Variants in GSE1 observed in about 807,000 individuals in gnomAD.
The protein encoded by GSE1 is genetic suppressor element 1.
GSE1 carries 32 observed loss-of-function variants against 112.6 expected under a neutral mutation model. That is an observed-to-expected ratio of 0.28 (90% CI 0.21 to 0.38). The LOEUF is 0.38. Ranked by LOEUF, GSE1 falls within the 10% of genes least tolerant of loss-of-function variation. The pLI is 1.00. For synonymous variants in GSE1, 1,115 were observed against 735.6 expected, an observed-to-expected ratio of 1.52 and a Z score of -8.35; for missense variants, 2,348 against 1,699.2, an observed-to-expected ratio of 1.38 and a Z score of -6.71.
chr16:85,255,820 C>CT (rs1907015881), intron 1 of GSE1, among the ~76,000 whole-genome samples: 1 of 152,160 alleles, frequency 6.6e-6, no homozygotes, highest in South Asian at 2.1e-4. Flanking sequence ...TCCTGAACAG[C>CT]TGGGACTACC....
chr16:85,520,566 C>T (rs1382878659), intron 2 of GSE1, among the ~76,000 whole-genome samples: 6 of 151,940 alleles, frequency 3.9e-5, no homozygotes, highest in Admixed American at 6.6e-5. Flanking sequence ...GGATTACAGG[C>T]GCCCACCACC....
intron 1 of GSE1, 84 bp from the exon 2 acceptor site, chr16:85,633,830 C>G (rs1253050853): frequency 2.8e-6 from 3 of 1,055,562 alleles, no homozygotes; most frequent in East Asian, 2.4e-5. Context: ...CCTGCTGCTG[C>G]TGACACCGGC....
intron 1 of GSE1, among the ~76,000 whole-genome samples, chr16:85,590,716 G>A (rs569812639): frequency 1.3e-3 from 200 of 152,310 alleles, no homozygotes; most frequent in African/African-American, 4.6e-3. Context: ...GGGATGGAGT[G>A]TGTGTGGAGC....
chr16:85,543,704 T>C (rs1211257899), intron 2 of GSE1, among the ~76,000 whole-genome samples: 3 of 152,232 alleles, frequency 2.0e-5, no homozygotes, highest in Non-Finnish European at 2.9e-5. Context: ...AGAGGGCAGC[T>C]GTTGGCTCAA....
intron 1 of GSE1, among the ~76,000 whole-genome samples, chr16:85,215,415 T>G (rs982552299): frequency 3.9e-5 from 6 of 152,000 alleles, no homozygotes; most frequent in African/African-American, 1.5e-4. Context: ...GGAAGGGTTG[T>G]GGGGGGGCCA....
At position 85,661,291 on chromosome 16, in the gene GSE1, G is replaced by C; in HGVS notation, c.1786G>C (p.Glu596Gln). 1 of 1,612,888 alleles carries C rather than the reference G, an allele frequency of 6.2e-7. No individual in the cohort carries two copies. The highest frequency in any genetic ancestry group is 8.5e-7 in the Non-Finnish European group (1 of 1,179,978). The stretch of plus-strand genomic sequence containing the variant: ...CGTGTCCCTGATGGACAACACCTTG[G>C]AGACGCGGCGGGCCGAAAGCCACTC... Reference protein sequence around the residue: ...NPVSLMDNTLETRRAESHSLH... With the variant: ...NPVSLMDNTLQTRRAESHSLH... The change falls in exon 9 of 16, where the codon GAG becomes CAG. Residue 596 changes from glutamate to glutamine, a missense_variant. Physicochemically the swap from Glu to Gln is conservative, Grantham distance 29. Transcript: ENST00000253458.
chr16:85,666,072 T>C lies in GSE1; in HGVS notation c.2855T>C (p.Leu952Pro). The C allele has an allele frequency of 6.2e-7, 1 of 1,613,356 alleles. No homozygotes were observed. Among genetic ancestry groups the C allele is most frequent in the African/African-American group, 1.3e-5 (1 of 75,064 alleles). ...DIPKAAEPGKLEQVRPQELSR... is the reference protein window; with the variant it reads ...DIPKAAEPGKPEQVRPQELSR... ...CCAAAGGCCGCGGAGCCTGGGAAGC[T>C]GGAACAGGTCCGGCCCCAGGAGCTG... Residue 952 changes from leucine to proline, a missense_variant, in exon 13 of 16, where the codon CTG (leucine) becomes CCG (proline). Coordinates refer to ENST00000253458, the MANE Select transcript of GSE1 (RefSeq NM_014615.5).
rs534179102 is a variant in GSE1 at position 85,649,653 on chromosome 16, G to A, written c.426+902G>A. On this transcript the variant is annotated intron_variant, in intron 3 of 15. Transcript: ENST00000253458. ...TCTCCCGGCCCCCCACCCCTGGCGC[G>A]CAGCCTGGAGTGGGCCCTTCCTAAT... 2.6e-4 allele frequency among the ~76,000 whole-genome samples: 39 copies of A among 152,210 alleles called. No homozygotes were observed. The East Asian group carries it at 3.1e-3, about 12-fold the overall frequency.
At chr16:85,499,818 T>C (rs59961392) in intron 2 of GSE1, among the ~76,000 whole-genome samples, 11,537 of 152,240 alleles carry the variant, frequency 0.076, 1,462 homozygotes, top group African/African-American at 0.27. Flanking sequence ...AGATAACATA[T>C]GTTGCTGGCA....
rs568626946 is a variant in GSE1 at position 85,408,718 on chromosome 16, A to C, written c.2464+51075A>C. Among the ~76,000 whole-genome samples the C allele has an allele frequency of 9.4e-4, 36 of 38,102 alleles. 1 individual carries two copies. The highest frequency in any genetic ancestry group is 3.8e-3 in the South Asian group (3 of 798). The allele number at this position is 38,102 out of a possible 152,430, so 25.0% of individuals were successfully genotyped here. A position where few individuals can be genotyped will look rare whatever the true frequency, so the allele number is the denominator to read the frequency against. ...TAATCCTCACTGTTACACTCAGGGC[A>C]CCTGGATAATCCTCACTGTCACTCT... On this transcript the variant is annotated intron_variant, in intron 2 of 2. Coordinates refer to the GSE1 transcript ENST00000637419.
intron 1 of GSE1, among the ~76,000 whole-genome samples, chr16:85,315,927 G>C (rs2045975673): frequency 6.7e-6 from 1 of 149,154 alleles, no homozygotes; most frequent in Non-Finnish European, 1.5e-5. Context: ...AGCCCTAGTG[G>C]GAGGGGGGGT....
At chr16:85,622,885 C>T (rs578202905) in intron 1 of GSE1, among the ~76,000 whole-genome samples, 49 of 152,198 alleles carry the variant, frequency 3.2e-4, no homozygotes, top group African/African-American at 1.1e-3. Context: ...CTGCAGCTGC[C>T]GCAGGGCTGT....
At position 85,290,263 on chromosome 16, in the gene GSE1, A is replaced by G. The variant is rs186496138; in HGVS notation, c.2284-67200A>G. 9.7e-3 allele frequency among the ~76,000 whole-genome samples: 1,472 copies of G among 152,294 alleles called. 31 individuals are homozygous for G. The highest frequency in any genetic ancestry group is 0.034 in the African/African-American group (1,415 of 41,574). On this transcript the variant is annotated intron_variant, in intron 1 of 2. Coordinates refer to the GSE1 transcript ENST00000637419. ...TCCCTGCACAGGCCTGCCCTGCCTCAGCAGACCCGGGCCCCTGCCATCTTC... is the reference window on the plus strand; with the variant it reads ...TCCCTGCACAGGCCTGCCCTGCCTCGGCAGACCCGGGCCCCTGCCATCTTC...
chr16:85,627,913 C>T (rs2049214564), intron 1 of GSE1, among the ~76,000 whole-genome samples: 1 of 152,222 alleles, frequency 6.6e-6, no homozygotes, highest in African/African-American at 2.4e-5. Context: ...CTGCACTGAC[C>T]TCAGCCAGAG....
intron 2 of GSE1, among the ~76,000 whole-genome samples, chr16:85,550,644 C>G (rs896223264): frequency 2.0e-5 from 3 of 152,318 alleles, no homozygotes; most frequent in South Asian, 4.1e-4. Flanking sequence ...GCCGAGGCAC[C>G]CCGCCGCCTG....
intron 2 of GSE1, among the ~76,000 whole-genome samples, chr16:85,502,322 C>CCG (rs920543031): frequency 6.6e-6 from 1 of 151,934 alleles, no homozygotes; most frequent in Non-Finnish European, 1.5e-5. Context: ...GTGGGTAGCG[C>CCG]CGTGGGTAGC....
At chr16:85,582,304 C>G (rs1274280522) in intron 1 of GSE1, 1 of 152,274 alleles carries the variant, frequency 6.6e-6, no homozygotes, top group African/African-American at 2.4e-5. Flanking sequence ...TCAGTGTGAC[C>G]TTGGATCCTC....
At chr16:85,194,500 C>T (rs896235461) in intron 1 of GSE1, among the ~76,000 whole-genome samples, 1 of 152,108 alleles carries the variant, frequency 6.6e-6, no homozygotes, top group Non-Finnish European at 1.5e-5. Flanking sequence ...AGACAGGGGC[C>T]ATTCTGGAAG....
Position 85,655,893 on chromosome 16 carries a change from G to A in GSE1, c.965G>A (p.Arg322His), listed in dbSNP as rs140823421. The change falls in exon 6 of 16, where the codon CGC becomes CAC. Residue 322 changes from arginine to histidine, a missense_variant. Physicochemically the swap from Arg to His is conservative, Grantham distance 29. Coordinates refer to ENST00000253458, the MANE Select transcript of GSE1 (RefSeq NM_014615.5). ...TCCCTGGCAGCGCTGCACTCGGAGC[G>A]CATGTCTGGCCTCAGCGCGGAGAGG... ...HSSLAALHSERMSGLSAERLQ... is the reference protein window; with the variant it reads ...HSSLAALHSEHMSGLSAERLQ... 31 of 1,605,380 alleles carry A rather than the reference G, an allele frequency of 1.9e-5. No individual in the cohort carries two copies. Among genetic ancestry groups the A allele is most frequent in the East Asian group, 6.7e-5 (3 of 44,884 alleles).
Sources: allele counts gnomAD v4.1 joint callset (sites outside exome capture counted in the v4.1 genomes callset), GRCh38; gene constraint gnomAD v4.1.1; transcripts MANE v1.5; gene names NCBI Gene and HGNC (gene_info 2026-07-23, HGNC 2026-07-21).